ABCA5: variants seen among roughly 807,000 people sequenced by gnomAD.
ABCA5 encodes ATP binding cassette subfamily A member 5.
Under a neutral mutation model 206.0 loss-of-function variants are expected in ABCA5, and 163 were observed. The ratio of observed to expected loss-of-function variants is 0.79; its 90% confidence interval spans 0.70 to 0.90. The LOEUF (loss-of-function observed/expected upper bound fraction) is 0.90, where lower values mean the gene tolerates loss of function less well. Among genes scored for constraint, ABCA5 ranks in the 40% least tolerant of loss-of-function variants. The probability of loss-of-function intolerance (pLI) is 0.00; values close to 1 mark genes in which losing one functional copy is unlikely to be tolerated. For missense variants in ABCA5, 1,859 were observed against 1,912.9 expected, an observed-to-expected ratio of 0.97 and a Z score of 0.53; for synonymous variants, 609 against 613.8, an observed-to-expected ratio of 0.99 and a Z score of 0.11.
At chr17:69,308,484 G>C (rs2075741305) in intron 4 of ABCA5, 116 bp from the exon 5 acceptor site, 1 of 571,174 alleles carries the variant, frequency 1.8e-6, no homozygotes, top group African/African-American at 1.9e-5. Context: ...ATCTTTACAG[G>C]ACCAAAGAAA....
In ABCA5 at chr17:69,304,704, T is replaced by C; in HGVS notation, c.895A>G (p.Ile299Val). The C allele has an allele frequency of 6.2e-7, 1 of 1,604,244 alleles. No individual in the cohort carries two copies. The highest frequency in any genetic ancestry group is 8.5e-7 in the Non-Finnish European group (1 of 1,175,482). ...LLFPQSSSIV[I>V]FLLFFLYGLS... ...CCATAAAGGAAAAAAAGCAGAAATATCACAATGCTGCTACTTTGAGGAAAT... is the reference window on the plus strand; with the variant it reads ...CCATAAAGGAAAAAAAGCAGAAATACCACAATGCTGCTACTTTGAGGAAAT... The change falls in exon 7 of 39, where the codon ATA becomes GTA. Residue 299 changes from isoleucine (I) to valine (V), a missense_variant. Ile to Val is a conservative substitution (Grantham distance 29). Transcript: ENST00000392676.
chr17:69,291,733 AAGC>A (rs1490770071), intron 11 of ABCA5, among the ~76,000 whole-genome samples: 1 of 152,192 alleles, frequency 6.6e-6, no homozygotes, highest in Non-Finnish European at 1.5e-5. Context: ...AGATTTAATG[AAGC>A]AATATCACTG....
Position 69,251,562 on chromosome 17 carries a change from T to G in ABCA5, c.4535+185A>C, listed in dbSNP as rs77600996. The stretch of plus-strand genomic sequence containing the variant: ...ATTGAAATATTAAGTGAATTCAAAT[T>G]CAAAGTAGACAGCCATATTTTTAAA... On this transcript the variant is annotated intron_variant, in intron 35 of 38. Transcript: ENST00000392676. 4.2e-4 allele frequency: 287 copies of G among 690,832 alleles called. 2 individuals are homozygous for G. The East Asian group carries it at 8.6e-3, about 21-fold the overall frequency. 42.8% of individuals were successfully genotyped at this position (690,832 alleles called of 1,614,324 possible).
intron 1 of ABCA5, among the ~76,000 whole-genome samples, chr17:69,319,580 TTAAC>T (rs2075846228): frequency 6.6e-6 from 1 of 152,150 alleles, no homozygotes; most frequent in Non-Finnish European, 1.5e-5. Context: ...CTTGGCAGAA[TTAAC>T]TAAGAGACCC....
intron 29 of ABCA5, 80 bp downstream of exon 29, chr17:69,256,077 A>G: frequency 6.9e-7 from 1 of 1,451,428 alleles, no homozygotes; most frequent in Non-Finnish European, 9.1e-7. Flanking sequence ...GCAAAGAAAA[A>G]TATTTTTCAG....
intron 19 of ABCA5, among the ~76,000 whole-genome samples, chr17:69,276,670 G>A (rs956663456): frequency 1.3e-5 from 2 of 152,154 alleles, no homozygotes; most frequent in Non-Finnish European, 2.9e-5. Flanking sequence ...TGGGACTGGG[G>A]AGGGATAGCA....
At position 69,248,250 on chromosome 17, in the gene ABCA5, A is replaced by T; in HGVS notation, c.4821+12T>A. ...CTATAAAATAATTTTTAAAAATTTA[A>T]CTTTATAGTACCTGTTCCAATGTTG... On this transcript the variant is annotated intron_variant, in intron 38 of 38. Coordinates refer to ENST00000392676, the MANE Select transcript of ABCA5 (RefSeq NM_172232.4). The T allele has an allele frequency of 6.8e-7, 1 of 1,475,438 alleles. No individual in the cohort carries two copies. The highest frequency in any genetic ancestry group is 2.4e-5 in the East Asian group (1 of 41,426). 91.4% of individuals were successfully genotyped at this position (1,475,438 alleles called of 1,614,324 possible).
chr17:69,289,931 CA>C lies in ABCA5; in HGVS notation c.1712del (p.Leu571Ter), dbSNP rs1238513619. 6.2e-7 allele frequency: 1 copy of C among 1,611,800 alleles called. No homozygotes were observed. The highest frequency in any genetic ancestry group is 2.2e-5 in the East Asian group (1 of 44,710). On this transcript the variant is annotated frameshift_variant, in exon 13 of 39. Transcript: ENST00000392676. LOFTEE classifies it high-confidence loss of function. ...CPQLDIHFDV[L>X]TVEENLSILA... ...AAATTGATAAATTTTCTTCTACTGTCAAAACATCAAAGTGTATATCTAACTG... is the reference window on the plus strand; with the variant it reads ...AAATTGATAAATTTTCTTCTACTGTCAAACATCAAAGTGTATATCTAACTG...
At chr17:69,262,632 G>T (rs12945481) in intron 24 of ABCA5, among the ~76,000 whole-genome samples, 59,881 of 151,864 alleles carry the variant, frequency 0.39, 12,683 homozygotes, top group Middle Eastern at 0.51. Context: ...TTCAATCACT[G>T]GTCAATGGGC....
rs1216433076 is a variant in ABCA5 at position 69,248,272 on chromosome 17, G to A, written c.4811C>T (p.Thr1604Ile). ...AIEEYSFSQA[T>I]LEQVFVELTK... Reference sequence around the variant, plus strand: ...TTAACTTTATAGTACCTGTTCCAATGTTGCTTGAGAAAAGCTATATTCTTC... The same window carrying A: ...TTAACTTTATAGTACCTGTTCCAATATTGCTTGAGAAAAGCTATATTCTTC... The change falls in exon 38 of 39, where the codon ACA becomes ATA. Residue 1604 changes from threonine (T) to isoleucine (I), a missense_variant. Physicochemically the swap from Thr to Ile is moderately conservative, Grantham distance 89. Coordinates refer to ENST00000392676, the MANE Select transcript of ABCA5 (RefSeq NM_172232.4). 1 of 1,555,120 alleles carries A rather than the reference G, an allele frequency of 6.4e-7. No individual in the cohort carries two copies. The highest frequency in any genetic ancestry group is 8.8e-7 in the Non-Finnish European group (1 of 1,137,516).
At chr17:69,307,107 A>G (rs1248958743) in intron 5 of ABCA5, among the ~76,000 whole-genome samples, 153 bp from the exon 6 acceptor site, 3 of 152,098 alleles carry the variant, frequency 2.0e-5, no homozygotes, top group Non-Finnish European at 4.4e-5. Flanking sequence ...GAGTGACCCC[A>G]ATATCATAAT....
intron 33 of ABCA5, 24 bp downstream of exon 33, chr17:69,253,770 T>C: frequency 1.3e-6 from 2 of 1,596,534 alleles, no homozygotes; most frequent in South Asian, 2.2e-5. Context: ...AATACAGGCA[T>C]TATTTGGTGT....
intron 28 of ABCA5, among the ~76,000 whole-genome samples, chr17:69,257,263 T>C (rs1271542526): frequency 6.7e-6 from 1 of 149,344 alleles, no homozygotes; most frequent in Non-Finnish European, 1.5e-5. Context: ...CCCAGCTACT[T>C]GGGAGGCTGA....
chr17:69,300,184 G>C (rs891511035), intron 9 of ABCA5, among the ~76,000 whole-genome samples: 2 of 152,226 alleles, frequency 1.3e-5, no homozygotes, highest in African/African-American at 4.8e-5. Context: ...ATGGGAGACA[G>C]TGACAGATCA....
intron 23 of ABCA5, among the ~76,000 whole-genome samples, chr17:69,266,759 T>A (rs1784524729): frequency 6.7e-6 from 1 of 149,564 alleles, no homozygotes; most frequent in Non-Finnish European, 1.5e-5. Context: ...ATTACTACAA[T>A]GAGTATATTT....
chr17:69,318,974 G>C (rs1223080305), intron 1 of ABCA5: 1 of 527,930 alleles, frequency 1.9e-6, no homozygotes, highest in Admixed American at 2.6e-5. Flanking sequence ...AATAATGGCT[G>C]TTCAGCAGAA....
intron 10 of ABCA5, among the ~76,000 whole-genome samples, chr17:69,295,808 C>T (rs1414743110): frequency 1.3e-5 from 2 of 152,052 alleles, no homozygotes; most frequent in Non-Finnish European, 2.9e-5. Context: ...TCTAGGCTAA[C>T]AGTTCATCTG....
At chr17:69,309,197 T>A in intron 4 of ABCA5, 65 bp downstream of exon 4, 1 of 1,324,334 alleles carries the variant, frequency 7.6e-7, no homozygotes, top group Non-Finnish European at 1.0e-6. Flanking sequence ...AAATTTTGAC[T>A]ATGAACTGCA....
chr17:69,291,923 G>A (rs1474322878), intron 11 of ABCA5, among the ~76,000 whole-genome samples: 1 of 151,786 alleles, frequency 6.6e-6, no homozygotes, highest in Non-Finnish European at 1.5e-5. Flanking sequence ...GACTAGCCTG[G>A]GCAACATGGC....
Sources: gnomAD v4.1 joint callset for allele counts (sites outside exome capture counted in the v4.1 genomes callset) on GRCh38, gnomAD v4.1.1 for gene constraint, MANE v1.5 for transcripts, NCBI Gene and HGNC (gene_info 2026-07-23, HGNC 2026-07-21) for gene names.